The following CABP5 variants were observed in gnomAD, a reference collection of about 807,000 sequenced individuals.
The protein encoded by CABP5 is calcium binding protein 5.
CABP5 carries 17 observed loss-of-function variants against 21.9 expected under a neutral mutation model. The observed-to-expected ratio is 0.78, with a 90% CI of 0.53 to 1.17. The LOEUF is 1.17. Among genes scored for constraint, CABP5 ranks in the 50% most tolerant of loss-of-function variants. CABP5 has a pLI of 0.00. For synonymous variants in CABP5, 85 were observed against 79.4 expected (o/e 1.07, Z -0.37); for missense variants, 229 against 228.9 (o/e 1.00, Z 0.00).
chr19:48,039,703 CTTTTTTT>C lies in CABP5; in HGVS notation c.239-393_239-387del, dbSNP rs772482700. Among the ~76,000 whole-genome samples the C allele has an allele frequency of 1.4e-3, 81 of 59,226 alleles. 1 individual carries two copies. The highest frequency in any genetic ancestry group is 5.5e-3 in the African/African-American group (78 of 14,246). The allele number at this position is 59,226 out of a possible 152,430, so 38.9% of individuals were successfully genotyped here. On this transcript the variant is annotated intron_variant, in intron 3 of 5. Coordinates refer to ENST00000293255, the MANE Select transcript of CABP5 (RefSeq NM_019855.5). Reference sequence around the variant, plus strand: ...ACATGCCCAGAAGCAAACCCAATAGCTTTTTTTTTTTTTTTTTTTTTTTTTTTTGAGA... The same window carrying C: ...ACATGCCCAGAAGCAAACCCAATAGCTTTTTTTTTTTTTTTTTTTTTGAGA...
At chr19:48,040,578 GC>G in intron 3 of CABP5, 26 bp downstream of exon 3, 2 of 1,612,446 alleles carry the variant, frequency 1.2e-6, no homozygotes, top group Non-Finnish European at 1.7e-6. Flanking sequence ...CCTAACCCCG[GC>G]CATCCCTCCC....
At chr19:48,041,700 G>C in intron 1 of CABP5, 97 bp from the exon 2 acceptor site, 1 of 1,129,320 alleles carries the variant, frequency 8.9e-7, no homozygotes, top group South Asian at 1.4e-5. Context: ...ACGCTCTCGT[G>C]GTTCTCTTTC....
intron 4 of CABP5, among the ~76,000 whole-genome samples, chr19:48,036,324 C>T (rs1466949409): frequency 6.6e-6 from 1 of 152,220 alleles, no homozygotes; most frequent in African/African-American, 2.4e-5. Context: ...TTTCACCCAG[C>T]ATACTGTCCT....
intron 2 of CABP5, 60 bp downstream of exon 2, chr19:48,041,513 C>A (rs1967481595): frequency 1.3e-6 from 2 of 1,511,526 alleles, no homozygotes; most frequent in African/African-American, 2.8e-5. Flanking sequence ...CACAAAGGGA[C>A]TGAGGGCAGG....
intron 5 of CABP5, among the ~76,000 whole-genome samples, chr19:48,033,501 C>T (rs140016875): frequency 6.6e-6 from 1 of 152,114 alleles, no homozygotes; most frequent in African/African-American, 2.4e-5. Flanking sequence ...TGCCACGAAT[C>T]CGTATTACTG....
Position 48,034,202 on chromosome 19 carries a change from C to G in CABP5, c.496+13G>C. 6.5e-7 allele frequency: 1 copy of G among 1,547,092 alleles called. No individual in the cohort carries two copies. Among genetic ancestry groups the G allele is most frequent in the Non-Finnish European group, 8.7e-7 (1 of 1,145,420 alleles). On this transcript the variant is annotated intron_variant, in intron 5 of 5. Transcript: ENST00000293255. Reference sequence around the variant, plus strand: ...GGCTGCCCCCGCTCCCCACCACGCCCCGTCAATGTCACCTTCAAAGTCAAC... The same window carrying G: ...GGCTGCCCCCGCTCCCCACCACGCCGCGTCAATGTCACCTTCAAAGTCAAC...
intron 3 of CABP5, among the ~76,000 whole-genome samples, chr19:48,039,838 C>A (rs149765705): frequency 1.3e-5 from 2 of 150,248 alleles, no homozygotes; most frequent in African/African-American, 2.5e-5. Context: ...CTTAGCCTCC[C>A]GAGTAGCTGG....
At chr19:48,037,483 G>T (rs1967426553) in intron 4 of CABP5, among the ~76,000 whole-genome samples, 1 of 151,620 alleles carries the variant, frequency 6.6e-6, no homozygotes, top group Non-Finnish European at 1.5e-5. Flanking sequence ...GGTCAGGCTG[G>T]TCTCAAACTC....
intron 4 of CABP5, among the ~76,000 whole-genome samples, chr19:48,037,713 T>G (rs1196894723): frequency 6.6e-6 from 1 of 152,220 alleles, no homozygotes; most frequent in African/African-American, 2.4e-5. Flanking sequence ...AATTTAGCTA[T>G]GTAAGTAGCA....
In CABP5 at chr19:48,043,833, G is replaced by A. The variant is rs541953797; in HGVS notation, c.63+27C>T. 37 of 889,198 alleles carry A rather than the reference G, an allele frequency of 4.2e-5. No homozygotes were observed. In the East Asian group the frequency reaches 7.0e-4, roughly 17 times the overall value. The allele number at this position is 889,198 out of a possible 1,614,324, so 55.1% of individuals were successfully genotyped here. The stretch of plus-strand genomic sequence containing the variant: ...CCCTGCTCCCTTTGCCCCGCCCACC[G>A]CCCTTCCCCCTCACTCCCCACCTCA... On this transcript the variant is annotated intron_variant, in intron 1 of 5. Coordinates refer to ENST00000293255, the MANE Select transcript of CABP5 (RefSeq NM_019855.5).
At chr19:48,031,768 A>T (rs116007361) in intron 5 of CABP5, among the ~76,000 whole-genome samples, 1,532 of 152,024 alleles carry the variant, frequency 0.01, 29 homozygotes, top group African/African-American at 0.034. Context: ...TCTTGAGGTC[A>T]TCCTGACCTT....
At chr19:48,039,149 A>G in intron 4 of CABP5, 59 bp downstream of exon 4, 1 of 1,374,452 alleles carries the variant, frequency 7.3e-7, no homozygotes, top group South Asian at 1.2e-5. Flanking sequence ...GGCTAATTAC[A>G]GGCAGACCTC....
chr19:48,034,506 GAC>G, intron 4 of CABP5, 144 bp from the exon 5 acceptor site: 1 of 425,822 alleles, frequency 2.3e-6, no homozygotes, highest in Non-Finnish European at 3.9e-6. Flanking sequence ...AGCTCCAAAA[GAC>G]AGTTTTGTTC....
At chr19:48,031,420 AT>A (rs747935814) in intron 5 of CABP5, among the ~76,000 whole-genome samples, 4 of 152,078 alleles carry the variant, frequency 2.6e-5, no homozygotes, top group Non-Finnish European at 4.4e-5. Flanking sequence ...GGCGCCTGTA[AT>A]CCCAGCTACT....
chr19:48,041,541 A>G (rs1317334460), intron 2 of CABP5, 32 bp downstream of exon 2: 1 of 1,611,020 alleles, frequency 6.2e-7, no homozygotes, highest in Non-Finnish European at 8.5e-7. Context: ...GGTGGATGGC[A>G]ACGTGGAAGC....
chr19:48,029,775 GA>G lies in CABP5; in HGVS notation c.*781del, dbSNP rs1263621505. 7.4e-6 allele frequency among the ~76,000 whole-genome samples: 1 copy of G among 134,844 alleles called. No homozygotes were observed. Among genetic ancestry groups the G allele is most frequent in the Non-Finnish European group, 1.6e-5 (1 of 61,154 alleles). 88.5% of individuals were successfully genotyped at this position (134,844 alleles called of 152,430 possible). A position where few individuals can be genotyped will look rare whatever the true frequency, so the allele number is the denominator to read the frequency against. On this transcript the variant is annotated 3_prime_UTR_variant, in exon 6 of 6. Coordinates refer to ENST00000293255, the MANE Select transcript of CABP5 (RefSeq NM_019855.5). ...ATCTTACACAAAGGAAGGGATGTGG[GA>G]GGGGAGACAGAGACAGACAGACAGA...
Position 48,029,831 on chromosome 19 carries a change from A to AGAGAGAGG in CABP5, c.*725_*726insCCTCTCTC, listed in dbSNP as rs1340907930. The AGAGAGAGG allele has an allele frequency of 1.3e-5, 2 of 151,442 alleles. No individual in the cohort carries two copies. The highest frequency in any genetic ancestry group is 2.9e-5 in the Non-Finnish European group (2 of 67,840). The allele number at this position is 151,442 out of a possible 1,614,324, so 9.4% of individuals were successfully genotyped here. ...GAGAGAGAGAGAGAGAGAGAGAGAGAGAGAGAAACCAGACAGTGCTTCCAG... is the reference window on the plus strand; with the variant it reads ...GAGAGAGAGAGAGAGAGAGAGAGAGAGAGAGAGGGAGAGAAACCAGACAGTGCTTCCAG... On this transcript the variant is annotated 3_prime_UTR_variant, in exon 6 of 6. Transcript: ENST00000293255.
chr19:48,029,828 G>GAGAGAGAGAGAGGGAC lies in CABP5; in HGVS notation c.*728_*729insGTCCCTCTCTCTCTCT, dbSNP rs1224439008. ...AGAGAGAGAGAGAGAGAGAGAGAGA[G>GAGAGAGAGAGAGGGAC]AGAGAGAGAAACCAGACAGTGCTTC... On this transcript the variant is annotated 3_prime_UTR_variant, in exon 6 of 6. Transcript: ENST00000293255. The GAGAGAGAGAGAGGGAC allele has an allele frequency of 2.0e-5, 3 of 150,424 alleles. No individual in the cohort carries two copies. The highest frequency in any genetic ancestry group is 7.4e-5 in the African/African-American group (3 of 40,294). 9.3% of individuals were successfully genotyped at this position (150,424 alleles called of 1,614,324 possible).
chr19:48,039,463 CA>C, intron 3 of CABP5, 146 bp from the exon 4 acceptor site: 1 of 653,640 alleles, frequency 1.5e-6, no homozygotes, highest in South Asian at 1.8e-5. Context: ...CAGCTAACTC[CA>C]AGCTCCAAAC....
Sources: allele counts gnomAD v4.1 joint callset (sites outside exome capture counted in the v4.1 genomes callset), GRCh38; gene constraint gnomAD v4.1.1; transcripts MANE v1.5; gene names NCBI Gene and HGNC (gene_info 2026-07-23, HGNC 2026-07-21).